RFT1: variants seen among roughly 807,000 people sequenced by gnomAD.
The protein encoded by RFT1 is man(5)GlcNAc(2)-PP-dolichol translocation protein RFT1.
A neutral mutation model predicts 62.2 loss-of-function variants in RFT1; 43 were observed. That is an observed-to-expected ratio of 0.69 (90% confidence interval 0.54 to 0.89). RFT1 has a LOEUF of 0.89. RFT1 is among the 40% of genes least tolerant of loss of function. The pLI, the probability that RFT1 is intolerant of heterozygous loss-of-function variation, is 0.00. For synonymous variants in RFT1, 262 were observed against 264.6 expected, an observed-to-expected ratio of 0.99 and a Z score of 0.10; for missense variants, 605 against 649.9, an observed-to-expected ratio of 0.93 and a Z score of 0.75.
rs775437985 is a variant in RFT1 at position 53,123,834 on chromosome 3, C to A, written c.156G>T (p.Thr52=). The A allele has an allele frequency of 6.2e-7, 1 of 1,613,156 alleles. No individual in the cohort carries two copies. ...GGAAGAGGGTGGTTGAGTAAAGCAG[C>A]GTTAGTCTGTAAATGAAAGGGAGAA... ...EIVGVVNVRL[T]LLYSTTLFLA... The change falls in exon 3 of 13, where the codon ACG becomes ACT. Residue 52 remains threonine, a synonymous_variant. Transcript: ENST00000296292.
rs766360090 is a variant in RFT1, at chr3:53,104,035, G to A, written c.1020C>T (p.Gly340=). The A allele has an allele frequency of 6.2e-7, 1 of 1,614,176 alleles. No homozygotes were observed. Among genetic ancestry groups the A allele is most frequent in the Non-Finnish European group, 8.5e-7 (1 of 1,180,020 alleles). The change falls in exon 10 of 13, where the codon GGC becomes GGT. Residue 340 remains glycine (G), a synonymous_variant. Coordinates refer to ENST00000296292, the MANE Select transcript of RFT1 (RefSeq NM_052859.4). ...ESLLKLALLA[G]LTITVFGFAY... ...CAAAGCCAAAAACAGTGATGGTCAG[G>A]CCGGCCAGCAGGGCCAGCTTGAGCA...
chr3:53,074,209 C>T, the RFT1 span, among the ~76,000 whole-genome samples: 1 of 152,158 alleles, frequency 6.6e-6, no homozygotes, highest in Non-Finnish European at 1.5e-5. Flanking sequence ...ACAAACACCC[C>T]CTCTCAGCCT....
intron 6 of RFT1, among the ~76,000 whole-genome samples, chr3:53,118,115 C>T (rs1701860719): frequency 1.3e-5 from 2 of 152,168 alleles, no homozygotes; most frequent in South Asian, 4.1e-4. Context: ...CTGGCCACCA[C>T]AGAGTTTAAT....
At chr3:53,121,048 C>T (rs1701954684) in intron 5 of RFT1, among the ~76,000 whole-genome samples, 1 of 152,206 alleles carries the variant, frequency 6.6e-6, no homozygotes. Flanking sequence ...AAAACTACAA[C>T]TGCTTTGCAC....
chr3:53,118,545 G>C (rs1267292948), intron 6 of RFT1, among the ~76,000 whole-genome samples: 1 of 152,150 alleles, frequency 6.6e-6, no homozygotes, highest in Non-Finnish European at 1.5e-5. Context: ...TGAATTCTGA[G>C]ACTTAAGTCT....
At chr3:53,100,627 A>C (rs1701283015) in intron 10 of RFT1, among the ~76,000 whole-genome samples, 1 of 152,264 alleles carries the variant, frequency 6.6e-6, no homozygotes, top group African/African-American at 2.4e-5. Flanking sequence ...ACCATGGAAG[A>C]ATCTCAAAAA....
At chr3:53,121,922 G>A (rs1455386656) in intron 4 of RFT1, 122 bp from the exon 5 acceptor site, 5 of 763,436 alleles carry the variant, frequency 6.5e-6, no homozygotes, top group South Asian at 4.4e-5. Context: ...GCACACAGCT[G>A]GACATAAGTA....
intron 5 of RFT1, among the ~76,000 whole-genome samples, chr3:53,120,975 T>A (rs1701953173): frequency 6.6e-6 from 1 of 152,240 alleles, no homozygotes; most frequent in Admixed American, 6.5e-5. Flanking sequence ...GTGTCCTCTG[T>A]GAGAAGTACC....
At chr3:53,107,158 C>T (rs1336429258) in intron 7 of RFT1, among the ~76,000 whole-genome samples, 6 of 135,186 alleles carry the variant, frequency 4.4e-5, no homozygotes, top group Admixed American at 7.6e-5. Flanking sequence ...TTTTTTGAGA[C>T]GGAGTCTCGC....
chr3:53,120,422 G>A (rs755383797), intron 5 of RFT1, among the ~76,000 whole-genome samples: 4 of 152,208 alleles, frequency 2.6e-5, no homozygotes, highest in African/African-American at 7.2e-5. Flanking sequence ...AGGACTTGCC[G>A]TCATCAAGGA....
At chr3:53,109,806 A>G (rs760621128) in intron 7 of RFT1, among the ~76,000 whole-genome samples, 3 of 152,140 alleles carry the variant, frequency 2.0e-5, no homozygotes, top group Non-Finnish European at 4.4e-5. Context: ...ACAGAGTGAG[A>G]CCCTATCTAC....
the RFT1 span, among the ~76,000 whole-genome samples, chr3:53,070,393 G>GTTTTTTT: frequency 2.2e-3 from 184 of 85,444 alleles, 30 homozygotes; most frequent in South Asian, 2.4e-3. Context: ...CTGTATTATG[G>GTTTTTTT]TTTTTTTTTT....
the RFT1 span, among the ~76,000 whole-genome samples, chr3:53,074,119 C>CT: frequency 4.9e-4 from 75 of 152,160 alleles, 1 homozygote; most frequent in African/African-American, 1.8e-3. Flanking sequence ...AGGGCCACAT[C>CT]TGCCAGGATC....
intron 10 of RFT1, among the ~76,000 whole-genome samples, chr3:53,101,873 A>G (rs1266868170): frequency 1.3e-5 from 2 of 152,242 alleles, no homozygotes; most frequent in East Asian, 3.9e-4. Flanking sequence ...CCCCGTCTCT[A>G]CTAAATATAC....
the RFT1 span, among the ~76,000 whole-genome samples, chr3:53,068,766 T>C: frequency 6.6e-6 from 1 of 152,172 alleles, no homozygotes; most frequent in African/African-American, 2.4e-5. Flanking sequence ...ATGGCTCAAC[T>C]TGGGATTTTT....
chr3:53,092,638 AG>A lies in RFT1; in HGVS notation c.1209-21del, dbSNP rs909785544. 1 of 1,607,254 alleles carries A rather than the reference AG, an allele frequency of 6.2e-7. No individual in the cohort carries two copies. Among genetic ancestry groups the A allele is most frequent in the African/African-American group, 1.3e-5 (1 of 74,972 alleles). ...TTGTACCTGGGGAGGAGACAGGAAA[AG>A]GAGGGCAGTGGTGACCTTGCCCTGG... On this transcript the variant is annotated intron_variant, in intron 11 of 12. Transcript: ENST00000296292.
intron 2 of RFT1, among the ~76,000 whole-genome samples, chr3:53,125,441 G>C (rs2107172133): frequency 6.6e-6 from 1 of 152,338 alleles, no homozygotes; most frequent in African/African-American, 2.4e-5. Flanking sequence ...AAAGACTCAA[G>C]CTCGAATCCC....
downstream of RFT1, among the ~76,000 whole-genome samples, chr3:53,087,422 C>G (rs550936219): frequency 3.6e-3 from 553 of 152,300 alleles, 2 homozygotes; most frequent in Middle Eastern, 6.8e-3. Flanking sequence ...CTCCCACCGT[C>G]CGGGCCTGCC....
downstream of RFT1, among the ~76,000 whole-genome samples, chr3:53,086,474 C>A (rs1700857234): frequency 6.6e-6 from 1 of 152,098 alleles, no homozygotes; most frequent in Non-Finnish European, 1.5e-5. Flanking sequence ...TGCCACCATG[C>A]CCGGCTAATT....
Sources: gnomAD v4.1 joint callset for allele counts (sites outside exome capture counted in the v4.1 genomes callset) on GRCh38, gnomAD v4.1.1 for gene constraint, MANE v1.5 for transcripts, NCBI Gene and HGNC (gene_info 2026-07-23, HGNC 2026-07-21) for gene names.